The following KDM4C variants were observed in gnomAD, a reference collection of about 807,000 sequenced individuals.
KDM4C encodes the protein lysine demethylase 4C, also known as lysine-specific demethylase 4C.
A neutral mutation model predicts 129.3 loss-of-function variants in KDM4C; 81 were observed. The observed-to-expected ratio is 0.63, with a 90% CI of 0.52 to 0.75. The LOEUF is 0.75. Ranked by LOEUF, KDM4C falls within the 30% of genes least tolerant of loss-of-function variation. The pLI is 0.00. For missense variants in KDM4C, 1,457 were observed against 1,304.0 expected, an observed-to-expected ratio of 1.12 and a Z score of -1.81; for synonymous variants, 573 against 456.1, an observed-to-expected ratio of 1.26 and a Z score of -3.26.
At chr9:6,870,708 T>C (rs1842713593) in intron 5 of KDM4C, among the ~76,000 whole-genome samples, 1 of 151,978 alleles carries the variant, frequency 6.6e-6, no homozygotes, top group South Asian at 2.1e-4. Flanking sequence ...TGTTATCTGT[T>C]AAAAAATTGT....
Position 6,889,021 on chromosome 9 carries a change from C to T in KDM4C, c.783+958C>T, listed in dbSNP as rs971997065. ...GCCGGGATGGCCTCGATCTCCCGACCTCGTGATCCGCCCGCCTCGGCCTCC... is the reference window on the plus strand; with the variant it reads ...GCCGGGATGGCCTCGATCTCCCGACTTCGTGATCCGCCCGCCTCGGCCTCC... On this transcript the variant is annotated intron_variant, in intron 7 of 21. Coordinates refer to ENST00000381309, the MANE Select transcript of KDM4C (RefSeq NM_015061.6). 6.9e-5 allele frequency among the ~76,000 whole-genome samples: 9 copies of T among 130,052 alleles called. 3 individuals are homozygous for T. The highest frequency in any genetic ancestry group is 1.1e-4 in the Non-Finnish European group (7 of 61,134). The allele number at this position is 130,052 out of a possible 152,430, so 85.3% of individuals were successfully genotyped here.
At chr9:6,989,053 G>C (rs1818260489) in intron 11 of KDM4C, among the ~76,000 whole-genome samples, 1 of 152,192 alleles carries the variant, frequency 6.6e-6, no homozygotes, top group Non-Finnish European at 1.5e-5. Flanking sequence ...TATAGCTCCA[G>C]CTATGACAAC....
chr9:6,765,849 T>A (rs1588126547), intron 1 of KDM4C, among the ~76,000 whole-genome samples: 1 of 152,272 alleles, frequency 6.6e-6, no homozygotes, highest in South Asian at 2.1e-4. Flanking sequence ...AGTGCAGTGG[T>A]GTGATCTCGG....
intron 1 of KDM4C, among the ~76,000 whole-genome samples, chr9:6,774,302 A>G (rs569197495): frequency 7.9e-5 from 12 of 152,320 alleles, no homozygotes; most frequent in African/African-American, 2.6e-4. Flanking sequence ...TAGGTAATAT[A>G]CAAACATATG....
At chr9:6,960,661 C>A (rs1829882485) in intron 8 of KDM4C, among the ~76,000 whole-genome samples, 1 of 152,174 alleles carries the variant, frequency 6.6e-6, no homozygotes, top group Non-Finnish European at 1.5e-5. Flanking sequence ...TGATTTCACA[C>A]TGACACAAAT....
intron 17 of KDM4C, among the ~76,000 whole-genome samples, chr9:7,088,147 C>T (rs921532408): frequency 3.9e-5 from 6 of 152,210 alleles, no homozygotes; most frequent in South Asian, 4.1e-4. Context: ...CAGTGTTTGG[C>T]TCCCCCGTAT....
At position 6,770,577 on chromosome 9, in the gene KDM4C, G is replaced by GT. The variant is rs994614630; in HGVS notation, c.-18+12385dup. Among the ~76,000 whole-genome samples, 88 of 140,886 alleles carry GT rather than the reference G, an allele frequency of 6.2e-4. No individual in the cohort carries two copies. The South Asian group carries it at 6.3e-3, about 10-fold the overall frequency. The allele number at this position is 140,886 out of a possible 152,430, so 92.4% of individuals were successfully genotyped here. A position where few individuals can be genotyped will look rare whatever the true frequency, so the allele number is the denominator to read the frequency against. On this transcript the variant is annotated intron_variant, in intron 1 of 21. Transcript: ENST00000381309. ...CATCACATTCATTTCCCTCAAGTTTGTTTTTTTTTTTGACAGGTAGTTAAC... is the reference window on the plus strand; with the variant it reads ...CATCACATTCATTTCCCTCAAGTTTGTTTTTTTTTTTTGACAGGTAGTTAAC...
rs57447221 is a variant in KDM4C at position 7,110,708 on chromosome 9, T to G, written c.2610+6838T>G. ...GTTCCTTTGAAGACAGTTTCCCGCA[T>G]TTGAAAATATTTTAAACCTATTGAA... is the stretch of plus-strand genomic sequence containing the variant. On this transcript the variant is annotated intron_variant, in intron 18 of 21. Transcript: ENST00000381309. Among the ~76,000 whole-genome samples, 717 of 152,296 alleles carry G rather than the reference T, an allele frequency of 4.7e-3. 7 individuals are homozygous for G. The highest frequency in any genetic ancestry group is 0.016 in the African/African-American group (657 of 41,564).
intron 12 of KDM4C, among the ~76,000 whole-genome samples, chr9:7,002,183 G>A (rs545598443): frequency 1.9e-4 from 29 of 152,244 alleles, no homozygotes; most frequent in African/African-American, 6.3e-4. Context: ...ATGAGCCACC[G>A]CACTTGCCTC....
chr9:7,108,332 G>C (rs1837932769), intron 18 of KDM4C, among the ~76,000 whole-genome samples: 1 of 152,106 alleles, frequency 6.6e-6, no homozygotes, highest in Admixed American at 6.6e-5. Flanking sequence ...TGCTTCCTGG[G>C]CTCAAGTGAT....
intron 17 of KDM4C, among the ~76,000 whole-genome samples, chr9:7,071,108 A>G (rs1301654905): frequency 6.6e-6 from 1 of 152,216 alleles, no homozygotes; most frequent in Non-Finnish European, 1.5e-5. Context: ...ACATGAAAGC[A>G]TATATGCAAA....
At chr9:6,721,358 A>G (rs1816948885) in intron 1 of KDM4C, among the ~76,000 whole-genome samples, 1 of 136,886 alleles carries the variant, frequency 7.3e-6, no homozygotes, top group African/African-American at 2.8e-5. Context: ...ATCTGGGCTC[A>G]CTGCAACCTT....
intron 19 of KDM4C, among the ~76,000 whole-genome samples, chr9:7,160,786 C>T (rs1482807085): frequency 6.6e-6 from 1 of 152,196 alleles, no homozygotes; most frequent in Non-Finnish European, 1.5e-5. Flanking sequence ...ACATGGGAGT[C>T]AGGGACCCAC....
intron 8 of KDM4C, among the ~76,000 whole-genome samples, chr9:6,930,755 A>G (rs1345872116): frequency 6.7e-6 from 1 of 149,546 alleles, no homozygotes. Flanking sequence ...TGTATCATAT[A>G]TATGATATTC....
At chr9:6,963,785 GC>G (rs1482159083) in intron 8 of KDM4C, among the ~76,000 whole-genome samples, 26 of 152,094 alleles carry the variant, frequency 1.7e-4, no homozygotes, top group Non-Finnish European at 3.2e-4. Flanking sequence ...CTACCTCAAG[GC>G]CCCTAACAGC....
chr9:7,046,197 T>A (rs1483390095), intron 15 of KDM4C, among the ~76,000 whole-genome samples: 1 of 151,798 alleles, frequency 6.6e-6, no homozygotes, highest in African/African-American at 2.4e-5. Context: ...GAGTAGAAAA[T>A]TACATTCTAA....
intron 8 of KDM4C, among the ~76,000 whole-genome samples, chr9:6,940,106 T>A (rs1825680413): frequency 6.6e-6 from 1 of 151,362 alleles, no homozygotes; most frequent in Non-Finnish European, 1.5e-5. Flanking sequence ...CTTTCTTTCT[T>A]CTTTCAACAG....
intron 15 of KDM4C, among the ~76,000 whole-genome samples, chr9:7,031,389 G>A (rs1340166893): frequency 6.6e-6 from 1 of 152,070 alleles, no homozygotes; most frequent in African/African-American, 2.4e-5. Flanking sequence ...TCAAACTCCT[G>A]ACCTCTGGTG....
intron 19 of KDM4C, among the ~76,000 whole-genome samples, chr9:7,158,034 C>T (rs1157309934): frequency 6.6e-6 from 1 of 152,132 alleles, no homozygotes; most frequent in African/African-American, 2.4e-5. Context: ...AATTTCAGAG[C>T]CTGTTATTGG....
Sources: gnomAD v4.1 joint callset for allele counts (sites outside exome capture counted in the v4.1 genomes callset) on GRCh38, gnomAD v4.1.1 for gene constraint, MANE v1.5 for transcripts, NCBI Gene and HGNC (gene_info 2026-07-23, HGNC 2026-07-21) for gene names.